Variants in SPACA1 observed in about 807,000 individuals in gnomAD.
SPACA1 encodes sperm acrosome membrane-associated protein 1.
In SPACA1, 17 loss-of-function variants were observed where a neutral mutation model predicts 32.6. The ratio of observed to expected loss-of-function variants is 0.52; its 90% confidence interval spans 0.36 to 0.78. The LOEUF is 0.78. SPACA1 is among the 30% of genes least tolerant of loss of function. The probability of loss-of-function intolerance (pLI) is 0.01; values close to 1 mark genes in which losing one functional copy is unlikely to be tolerated. For missense variants in SPACA1, 363 were observed against 373.4 expected (o/e 0.97, Z 0.23); for synonymous variants, 140 against 138.1 (o/e 1.01, Z -0.10).
chr6:88,048,241 C>T (rs1034940092), intron 1 of SPACA1, 128 bp downstream of exon 1: 2 of 993,746 alleles, frequency 2.0e-6, no homozygotes, highest in Admixed American at 2.8e-5. Flanking sequence ...ACTTCAGCCC[C>T]GAGTTTGTCC....
At chr6:88,061,648 A>G (rs1775899265) in intron 5 of SPACA1, among the ~76,000 whole-genome samples, 1 of 152,216 alleles carries the variant, frequency 6.6e-6, no homozygotes. Flanking sequence ...AAGAACCTTC[A>G]GTGAGAGCAT....
intron 3 of SPACA1, among the ~76,000 whole-genome samples, 157 bp from the exon 4 acceptor site, chr6:88,058,559 A>G (rs1455917079): frequency 6.6e-6 from 1 of 152,104 alleles, no homozygotes; most frequent in East Asian, 1.9e-4. Flanking sequence ...GGATGGCTTG[A>G]GCCCAGGAGG....
At position 88,049,001 on chromosome 6, in the gene SPACA1, C is replaced by T. The variant is rs1396332251; in HGVS notation, c.208+888C>T. Among the ~76,000 whole-genome samples, 4 of 152,180 alleles carry T rather than the reference C, an allele frequency of 2.6e-5. 1 individual carries two copies. The highest frequency in any genetic ancestry group is 6.5e-5 in the Admixed American group (1 of 15,278). The stretch of plus-strand genomic sequence containing the variant: ...TCAGTCTATACATATCGAGTGACTG[C>T]TGTGTCTACCAGCCTTTCTTTCATT... On this transcript the variant is annotated intron_variant, in intron 1 of 6. Coordinates refer to ENST00000237201, the MANE Select transcript of SPACA1 (RefSeq NM_030960.3).
intron 4 of SPACA1, among the ~76,000 whole-genome samples, chr6:88,059,219 A>T (rs907202099): frequency 6.6e-6 from 1 of 152,206 alleles, no homozygotes; most frequent in Admixed American, 6.5e-5. Context: ...AATCACTATC[A>T]TTAAACCCAT....
At chr6:88,051,363 G>T (rs1022714125) in intron 1 of SPACA1, among the ~76,000 whole-genome samples, 1 of 152,028 alleles carries the variant, frequency 6.6e-6, no homozygotes, top group African/African-American at 2.4e-5. Context: ...TTTTGTCTTG[G>T]AATACTTCTA....
At position 88,066,188 on chromosome 6, in the gene SPACA1, A is replaced by T. The variant is rs780726963; in HGVS notation, c.738A>T (p.Ala246=). The T allele has an allele frequency of 1.6e-5, 26 of 1,581,056 alleles. No individual in the cohort carries two copies. Among genetic ancestry groups the T allele is most frequent in the Non-Finnish European group, 2.2e-5 (26 of 1,162,794 alleles). The change falls in exon 7 of 7, where the codon GCA becomes GCT. Residue 246 remains alanine (A), a synonymous_variant. Coordinates refer to ENST00000237201, the MANE Select transcript of SPACA1 (RefSeq NM_030960.3). ...LLIFIIINWA[A]VKAFWGAKAS... The stretch of plus-strand genomic sequence containing the variant: ...TTTTTGTTTTTTCTTCCAGGGCAGC[A>T]GTCAAGGCTTTCTGGGGGGCAAAAG...
chr6:88,057,832 A>G, intron 3 of SPACA1, 119 bp downstream of exon 3: 1 of 707,088 alleles, frequency 1.4e-6, no homozygotes, highest in Non-Finnish European at 2.5e-6. Context: ...CTCAAAGGAA[A>G]TCATAAAATT....
intron 5 of SPACA1, among the ~76,000 whole-genome samples, chr6:88,063,664 G>T (rs1334030361): frequency 6.6e-6 from 1 of 152,100 alleles, no homozygotes; most frequent in Non-Finnish European, 1.5e-5. Context: ...CTAAGCAAAT[G>T]TACATTTAAG....
At chr6:88,063,849 T>C (rs923695643) in intron 5 of SPACA1, among the ~76,000 whole-genome samples, 7 of 152,212 alleles carry the variant, frequency 4.6e-5, no homozygotes, top group African/African-American at 1.2e-4. Flanking sequence ...AATGGATAGA[T>C]GAATTTTAAA....
Position 88,066,152 on chromosome 6 carries a change from G to C in SPACA1, c.732-30G>C, listed in dbSNP as rs769974461. The C allele has an allele frequency of 5.2e-6, 8 of 1,537,178 alleles. No individual in the cohort carries two copies. The East Asian group carries it at 1.6e-4, about 31-fold the overall frequency. ...TTCAGTTTTAGTTTTCACTTCATAT[G>C]GTGGTTTTGGTTTTTGTTTTTTCTT... On this transcript the variant is annotated intron_variant, in intron 6 of 6. Coordinates refer to ENST00000237201, the MANE Select transcript of SPACA1 (RefSeq NM_030960.3).
In SPACA1 at chr6:88,047,986, G is replaced by A. The variant is rs61738528; in HGVS notation, c.81G>A (p.Ala27=). Residue 27 remains alanine (A), a synonymous_variant, in exon 1 of 7, where the codon GCG becomes GCA. Coordinates refer to ENST00000237201, the MANE Select transcript of SPACA1 (RefSeq NM_030960.3). ...GWLLLAGLQS[A]RGTNVTAAVQ... ...TGCTTCTGGCGGGCCTCCAGTCCGC[G>A]CGCGGGACCAACGTCACCGCTGCCG... 9,618 of 1,570,854 alleles carry A rather than the reference G, an allele frequency of 6.1e-3. 416 individuals carry two copies. In the African/African-American group the frequency reaches 0.1, roughly 17 times the overall value.
intron 5 of SPACA1, among the ~76,000 whole-genome samples, chr6:88,062,826 A>G (rs1490284435): frequency 2.0e-5 from 3 of 152,170 alleles, no homozygotes; most frequent in Admixed American, 6.5e-5. Flanking sequence ...TGTATAGAAA[A>G]CAATGAGCTT....
At chr6:88,052,832 C>T (rs1203876112) in intron 1 of SPACA1, among the ~76,000 whole-genome samples, 2 of 152,034 alleles carry the variant, frequency 1.3e-5, no homozygotes, top group Non-Finnish European at 1.5e-5. Flanking sequence ...GCAAGACTCT[C>T]TCGGAAAAAC....
chr6:88,054,225 A>ATTT (rs11372759), intron 2 of SPACA1, among the ~76,000 whole-genome samples: 11 of 144,016 alleles, frequency 7.6e-5, no homozygotes, highest in African/African-American at 1.5e-4. Context: ...CCAGCTCCCT[A>ATTT]TTTTTTTTTT....
chr6:88,047,976 T>C lies in SPACA1; in HGVS notation c.71T>C (p.Leu24Pro), dbSNP rs760870755. 1 of 1,565,696 alleles carries C rather than the reference T, an allele frequency of 6.4e-7. No individual in the cohort carries two copies. The highest frequency in any genetic ancestry group is 8.6e-7 in the Non-Finnish European group (1 of 1,157,166). ...GTCGGCTGGCTGCTTCTGGCGGGCC[T>C]CCAGTCCGCGCGCGGGACCAACGTC... Reference protein sequence around the residue: ...MTVGWLLLAGLQSARGTNVTA... With the variant: ...MTVGWLLLAGPQSARGTNVTA... Residue 24 changes from leucine to proline, a missense_variant, in exon 1 of 7, where the codon CTC becomes CCC. By Grantham distance (98) the Leu-to-Pro change is moderately conservative (BLOSUM62 -3). Coordinates refer to ENST00000237201, the MANE Select transcript of SPACA1 (RefSeq NM_030960.3).
intron 1 of SPACA1, among the ~76,000 whole-genome samples, chr6:88,052,229 T>C (rs1009917054): frequency 6.6e-6 from 1 of 152,204 alleles, no homozygotes; most frequent in African/African-American, 2.4e-5. Flanking sequence ...TCTCATTTTT[T>C]TTTTCTTTAA....
intron 6 of SPACA1, 24 bp downstream of exon 6, chr6:88,064,243 A>G (rs17262755): frequency 0.039 from 63,041 of 1,597,944 alleles, 1,481 homozygotes; most frequent in Middle Eastern, 0.052. Flanking sequence ...GGAATGCATC[A>G]TCACCCTTGA....
chr6:88,066,548 A>G lies in SPACA1; in HGVS notation c.*213A>G. On this transcript the variant is annotated 3_prime_UTR_variant, in exon 7 of 7. Coordinates refer to ENST00000237201, the MANE Select transcript of SPACA1 (RefSeq NM_030960.3). ...TTAATTTGTTCTCAACACTTATTTC[A>G]GGTAATAGCTTGGGGATATTTATCT... 1 of 325,184 alleles carries G rather than the reference A, an allele frequency of 3.1e-6. No homozygotes were observed. The highest frequency in any genetic ancestry group is 5.5e-6 in the Non-Finnish European group (1 of 182,908). The allele number at this position is 325,184 out of a possible 1,614,324, so 20.1% of individuals were successfully genotyped here. A position where few individuals can be genotyped will look rare whatever the true frequency, so the allele number is the denominator to read the frequency against.
Position 88,064,308 on chromosome 6 carries a change from G to C in SPACA1, c.731+89G>C, listed in dbSNP as rs1239500495. 1.1e-5 allele frequency: 15 copies of C among 1,370,128 alleles called. No homozygotes were observed. In the East Asian group the frequency reaches 3.4e-4, roughly 31 times the overall value. The allele number at this position is 1,370,128 out of a possible 1,614,324, so 84.9% of individuals were successfully genotyped here. A position where few individuals can be genotyped will look rare whatever the true frequency, so the allele number is the denominator to read the frequency against. On this transcript the variant is annotated intron_variant, in intron 6 of 6. Coordinates refer to ENST00000237201, the MANE Select transcript of SPACA1 (RefSeq NM_030960.3). The stretch of plus-strand genomic sequence containing the variant: ...CAGTGAATTGCAAAGCCCTGTCCGT[G>C]ATGTCTCCTACATGTTGCCTTGAAA...
Sources: allele counts gnomAD v4.1 joint callset (sites outside exome capture counted in the v4.1 genomes callset), GRCh38; gene constraint gnomAD v4.1.1; transcripts MANE v1.5; gene names NCBI Gene and HGNC (gene_info 2026-07-23, HGNC 2026-07-21).